The following SAMD12 variants were observed in gnomAD, a reference collection of about 807,000 sequenced individuals.
SAMD12 encodes the protein sterile alpha motif domain-containing protein 12.
A neutral mutation model predicts 15.0 loss-of-function variants in SAMD12; 9 were observed. The ratio of observed to expected loss-of-function variants is 0.60; its 90% CI spans 0.36 to 1.05. The LOEUF is 1.05. Among genes scored for constraint, SAMD12 ranks in the 50% least tolerant of loss-of-function variants. SAMD12 has a pLI of 0.01. For missense variants in SAMD12, 230 were observed against 234.2 expected (o/e 0.98, Z 0.12); for synonymous variants, 86 against 90.1 (o/e 0.96, Z 0.25).
intron 1 of SAMD12, 46 bp downstream of exon 1, chr8:118,621,758 T>G (rs910843811): frequency 6.2e-7 from 1 of 1,609,392 alleles, no homozygotes; most frequent in African/African-American, 1.3e-5. Flanking sequence ...TGCCTTGGGG[T>G]GCGCGGGTTA....
chr8:118,606,364 T>C (rs1021614416), intron 1 of SAMD12, among the ~76,000 whole-genome samples: 1 of 152,006 alleles, frequency 6.6e-6, no homozygotes, highest in African/African-American at 2.4e-5. Flanking sequence ...TGACCTTGGG[T>C]AAGGGAGTCT....
At chr8:118,395,420 T>C (rs1820505838) in intron 3 of SAMD12, among the ~76,000 whole-genome samples, 1 of 152,124 alleles carries the variant, frequency 6.6e-6, no homozygotes, top group African/African-American at 2.4e-5. Context: ...AATTGAGCTG[T>C]CTCTTAAGAC....
At chr8:118,540,260 A>G (rs1825953436) in intron 2 of SAMD12, among the ~76,000 whole-genome samples, 1 of 152,184 alleles carries the variant, frequency 6.6e-6, no homozygotes, top group South Asian at 2.1e-4. Context: ...AGTGGTTCTC[A>G]GTTGCCATGA....
chr8:118,560,656 AT>A (rs955174432), intron 2 of SAMD12, among the ~76,000 whole-genome samples: 97 of 151,626 alleles, frequency 6.4e-4, no homozygotes, highest in Non-Finnish European at 9.3e-4. Context: ...AACATACCTT[AT>A]TTTTTTTTCT....
rs36228827 is a variant in SAMD12, at chr8:118,548,384, TACACACACACACACACAC to T, written c.192+32313_192+32330del. ...ATACCCTTTACACTAAAAACACACA[TACACACACACACACACAC>T]ACACACACACACACACACACACCCC... On this transcript the variant is annotated intron_variant, in intron 2 of 3. Coordinates refer to ENST00000314727, the MANE Select transcript of SAMD12 (RefSeq NM_207506.3). 1.9e-4 allele frequency among the ~76,000 whole-genome samples: 26 copies of T among 139,908 alleles called. No homozygotes were observed. The South Asian group carries it at 4.7e-3, about 26-fold the overall frequency. The allele number at this position is 139,908 out of a possible 152,430, so 91.8% of individuals were successfully genotyped here.
At chr8:118,170,332 A>G in the SAMD12 span, among the ~76,000 whole-genome samples, 5 of 152,168 alleles carry the variant, frequency 3.3e-5, no homozygotes, top group African/African-American at 9.6e-5. Flanking sequence ...GAAAACTGAT[A>G]TATCTTATAA....
At chr8:118,245,298 C>T (rs1312200934) in intron 4 of SAMD12, among the ~76,000 whole-genome samples, 1 of 152,094 alleles carries the variant, frequency 6.6e-6, no homozygotes, top group Admixed American at 6.6e-5. Context: ...AGAAGAGCTT[C>T]TCCAGCAACA....
chr8:118,494,537 T>A (rs896940602), intron 2 of SAMD12, among the ~76,000 whole-genome samples: 1 of 152,222 alleles, frequency 6.6e-6, no homozygotes, highest in Non-Finnish European at 1.5e-5. Context: ...CACTGAAATA[T>A]GTACTAAAAA....
At chr8:118,581,746 C>T (rs921886669) in intron 1 of SAMD12, among the ~76,000 whole-genome samples, 2 of 152,102 alleles carry the variant, frequency 1.3e-5, no homozygotes, top group Non-Finnish European at 2.9e-5. Flanking sequence ...CTACATAAAC[C>T]ACCATGTATG....
In SAMD12 at chr8:118,424,886, C is replaced by G. The variant is rs930208337; in HGVS notation, c.322+14946G>C. Among the ~76,000 whole-genome samples the G allele has an allele frequency of 4.0e-5, 6 of 151,894 alleles. No homozygotes were observed. In the South Asian group the frequency reaches 1.3e-3, roughly 32 times the overall value. ...TTTTGATCTCCCAATAACATGCAGG[C>G]TCTGTAAGGATGGGAACTCTGACTT... On this transcript the variant is annotated intron_variant, in intron 3 of 3. Transcript: ENST00000314727.
intron 2 of SAMD12, among the ~76,000 whole-genome samples, chr8:118,526,355 C>G (rs944415816): frequency 2.0e-5 from 3 of 151,956 alleles, no homozygotes; most frequent in African/African-American, 7.3e-5. Context: ...CCAAGAAAAC[C>G]AGGAATAGCC....
At chr8:118,561,924 TA>T (rs1258724829) in intron 2 of SAMD12, among the ~76,000 whole-genome samples, 1 of 152,160 alleles carries the variant, frequency 6.6e-6, no homozygotes, top group Non-Finnish European at 1.5e-5. Flanking sequence ...CAGAAAGCTA[TA>T]AAATATAATC....
chr8:118,334,866 T>C (rs1011826511), intron 4 of SAMD12, among the ~76,000 whole-genome samples: 3 of 152,212 alleles, frequency 2.0e-5, no homozygotes. Context: ...AGTGCTGGAT[T>C]ACGGGCATGA....
intron 4 of SAMD12, among the ~76,000 whole-genome samples, chr8:118,210,025 A>C (rs552633658): frequency 6.6e-6 from 1 of 152,346 alleles, no homozygotes; most frequent in Non-Finnish European, 1.5e-5. Flanking sequence ...CCTTGCTGCT[A>C]TGCAGCACTT....
chr8:118,336,496 T>A (rs1374312548), intron 4 of SAMD12, among the ~76,000 whole-genome samples: 4 of 151,958 alleles, frequency 2.6e-5, no homozygotes, highest in Non-Finnish European at 5.9e-5. Flanking sequence ...AGTGCATGTG[T>A]CTTTATAGCA....
chr8:118,348,740 G>A (rs1267055918), intron 4 of SAMD12, among the ~76,000 whole-genome samples: 1 of 152,132 alleles, frequency 6.6e-6, no homozygotes, highest in Non-Finnish European at 1.5e-5. Flanking sequence ...CCTTTGCTCC[G>A]TGCTATGAAT....
chr8:118,588,608 A>G (rs1447532543), intron 1 of SAMD12, among the ~76,000 whole-genome samples: 3 of 152,208 alleles, frequency 2.0e-5, no homozygotes, highest in Non-Finnish European at 4.4e-5. Flanking sequence ...AGCAGTGAGT[A>G]ACTGTGACAC....
intron 2 of SAMD12, among the ~76,000 whole-genome samples, chr8:118,543,782 T>C (rs78258887): frequency 6.6e-6 from 1 of 152,104 alleles, no homozygotes; most frequent in Non-Finnish European, 1.5e-5. Flanking sequence ...CTTCAGAATA[T>C]ATATTTGCAT....
intron 4 of SAMD12, among the ~76,000 whole-genome samples, chr8:118,285,954 T>G (rs1401695037): frequency 6.6e-6 from 1 of 152,130 alleles, no homozygotes; most frequent in Non-Finnish European, 1.5e-5. Flanking sequence ...TAAGAAAATG[T>G]GGCACATATA....
Sources: gnomAD v4.1 joint callset for allele counts (sites outside exome capture counted in the v4.1 genomes callset) on GRCh38, gnomAD v4.1.1 for gene constraint, MANE v1.5 for transcripts, NCBI Gene and HGNC (gene_info 2026-07-23, HGNC 2026-07-21) for gene names.